MRC2: variants seen among roughly 807,000 people sequenced by gnomAD.
MRC2 encodes mannose receptor C-type 2.
Under a neutral mutation model 206.2 loss-of-function variants are expected in MRC2, and 84 were observed. That is an observed-to-expected ratio of 0.41 (90% CI 0.34 to 0.49). MRC2 has a LOEUF of 0.49. Among genes scored for constraint, MRC2 ranks in the 20% least tolerant of loss-of-function variants. The pLI is 0.31. For synonymous variants in MRC2, 798 were observed against 800.0 expected, an observed-to-expected ratio of 1.00 and a Z score of 0.04; for missense variants, 1,676 against 2,001.5, an observed-to-expected ratio of 0.84 and a Z score of 3.10.
rs1313454033 is a variant in MRC2 at position 62,680,660 on chromosome 17, C to T, written c.2474-140C>T. On this transcript the variant is annotated intron_variant, in intron 16 of 29. Coordinates refer to ENST00000303375, the MANE Select transcript of MRC2 (RefSeq NM_006039.5). This position sits in a 1 kb window ranked among gnomAD's most constrained non-coding sequence, Gnocchi z 4.8. Reference sequence around the variant, plus strand: ...CAAGCCTGGGGCCTGGGGCCTGGCACGGTGCCTGCCTGGGTCCGGTGTGCC... The same window carrying T: ...CAAGCCTGGGGCCTGGGGCCTGGCATGGTGCCTGCCTGGGTCCGGTGTGCC... The T allele has an allele frequency of 8.6e-6, 11 of 1,279,300 alleles. No homozygotes were observed. Among genetic ancestry groups the T allele is most frequent in the African/African-American group, 6.0e-5 (4 of 66,330 alleles). 79.2% of individuals were successfully genotyped at this position (1,279,300 alleles called of 1,614,324 possible). A position where few individuals can be genotyped will look rare whatever the true frequency, so the allele number is the denominator to read the frequency against.
chr17:62,668,343 C>T (rs1249821157), intron 6 of MRC2, among the ~76,000 whole-genome samples: 2 of 146,256 alleles, frequency 1.4e-5, no homozygotes, highest in African/African-American at 2.6e-5. Flanking sequence ...CAGAGCGAGA[C>T]GAGACCCTGC....
Position 62,667,361 on chromosome 17 carries a change from G to T in MRC2, c.974-29G>T, listed in dbSNP as rs1374026880. On this transcript the variant is annotated intron_variant, in intron 5 of 29. Coordinates refer to ENST00000303375, the MANE Select transcript of MRC2 (RefSeq NM_006039.5). The surrounding 1 kb of genome is among the most constrained non-coding windows in gnomAD (Gnocchi z 4.1). The stretch of plus-strand genomic sequence containing the variant: ...GCCACGGTGTGAGCTTCTCTCTCCG[G>T]GGGTGCTGGCGCCCTGCCCTCCCCA... The T allele has an allele frequency of 6.4e-7, 1 of 1,571,596 alleles. No homozygotes were observed. Among genetic ancestry groups the T allele is most frequent in the Non-Finnish European group, 8.6e-7 (1 of 1,160,040 alleles).
chr17:62,671,975 C>G lies in MRC2; in HGVS notation c.1307-23C>G, dbSNP rs377658136. 5 of 1,613,962 alleles carry G rather than the reference C, an allele frequency of 3.1e-6. No individual in the cohort carries two copies. In the Admixed American group the frequency reaches 8.3e-5, roughly 27 times the overall value. ...CTGACCTCTCAATGTTTTCTCTCCC[C>G]TCCTCTCCTGCTGCACCCCCAGAGG... On this transcript the variant is annotated intron_variant, in intron 7 of 29. Coordinates refer to ENST00000303375, the MANE Select transcript of MRC2 (RefSeq NM_006039.5). This position sits in a 1 kb window ranked among gnomAD's most constrained non-coding sequence, Gnocchi z 4.5.
chr17:62,677,329 T>A lies in MRC2; in HGVS notation c.1895T>A (p.Val632Glu). Reference protein sequence around the residue: ...ATGSAMGLWEVKNCTSFRARY... With the variant: ...ATGSAMGLWEEKNCTSFRARY... ...GGCAGCGCCATGGGGCTGTGGGAGG[T>A]GAAGAACTGTACCTCGTTCCGGGCC... The change falls in exon 12 of 30, where the codon GTG becomes GAG. Residue 632 changes from valine (V) to glutamate (E), a missense_variant. Physicochemically the swap from Val to Glu is moderately radical, Grantham distance 121. This residue lies in a region of MRC2 where 1,354 missense variants were observed against 1,636.6 expected (regional missense o/e 0.83). Transcript: ENST00000303375. 6.2e-7 allele frequency: 1 copy of A among 1,605,496 alleles called. No individual in the cohort carries two copies. Among genetic ancestry groups the A allele is most frequent in the Non-Finnish European group, 8.5e-7 (1 of 1,177,180 alleles).
At chr17:62,679,578 A>G in intron 13 of MRC2, 1 of 405,746 alleles carries the variant, frequency 2.5e-6, no homozygotes, top group East Asian at 4.0e-5. Context: ...CTGCCCCTTG[A>G]GTGGATGGCT....
intron 2 of MRC2, 115 bp from the exon 3 acceptor site, chr17:62,665,978 GA>G (rs1365343549): frequency 2.7e-6 from 3 of 1,112,264 alleles, no homozygotes; most frequent in Non-Finnish European, 3.8e-6. Context: ...CCCACCTGCT[GA>G]TCCCTGTGAA....
chr17:62,635,201 T>C (rs1159885391), intron 1 of MRC2, among the ~76,000 whole-genome samples: 1 of 150,262 alleles, frequency 6.7e-6, no homozygotes, highest in Non-Finnish European at 1.5e-5. Context: ...CTTTTTTTTT[T>C]TTTTTTTTTT....
rs190483166 is a variant in MRC2, at chr17:62,638,794, T to C, written c.118+10874T>C. On this transcript the variant is annotated intron_variant, in intron 1 of 29. Coordinates refer to ENST00000303375, the MANE Select transcript of MRC2 (RefSeq NM_006039.5). ...TTAGCCAGGCGTGGTGGTGGGCGCC[T>C]GTAATCCCAGCTACTTGGGAGATTG... 3.6e-3 allele frequency among the ~76,000 whole-genome samples: 534 copies of C among 148,584 alleles called. 2 individuals carry two copies. Among genetic ancestry groups the C allele is most frequent in the African/African-American group, 0.013 (505 of 40,114 alleles).
At chr17:62,628,054 T>C (rs1479363976) in intron 1 of MRC2, 134 bp downstream of exon 1, 2 of 568,358 alleles carry the variant, frequency 3.5e-6, no homozygotes, top group South Asian at 8.7e-5. Context: ...TGTGACTGGG[T>C]TTTTAAAACT....
chr17:62,668,252 C>T (rs1397472669), intron 6 of MRC2, among the ~76,000 whole-genome samples: 3 of 151,372 alleles, frequency 2.0e-5, no homozygotes, highest in Admixed American at 6.6e-5. Context: ...CTAGGGAGGT[C>T]GAGGTGGGAG....
rs2088953662 is a variant in MRC2, at chr17:62,680,724, C to G, written c.2474-76C>G. On this transcript the variant is annotated intron_variant, in intron 16 of 29. Transcript: ENST00000303375. This position sits in a 1 kb window ranked among gnomAD's most constrained non-coding sequence, Gnocchi z 4.8. ...GCTGCCGCCTGGCTCTGCCCCGGCCCTGCCGCGCCCGCCTCCGGGGCCTGG... is the reference window on the plus strand; with the variant it reads ...GCTGCCGCCTGGCTCTGCCCCGGCCGTGCCGCGCCCGCCTCCGGGGCCTGG... 7.1e-7 allele frequency: 1 copy of G among 1,406,600 alleles called. No homozygotes were observed. The allele number at this position is 1,406,600 out of a possible 1,614,324, so 87.1% of individuals were successfully genotyped here.
chr17:62,655,497 G>A (rs141457795), intron 1 of MRC2, among the ~76,000 whole-genome samples: 1,873 of 152,002 alleles, frequency 0.012, 30 homozygotes, highest in African/African-American at 0.042. Context: ...AGCCGAGATC[G>A]CGCCACTGCA....
chr17:62,650,555 TC>T (rs2088544435), intron 1 of MRC2, among the ~76,000 whole-genome samples: 1 of 152,236 alleles, frequency 6.6e-6, no homozygotes, highest in Non-Finnish European at 1.5e-5. Context: ...TGGCCATCCT[TC>T]CCAGCTCTTC....
chr17:62,678,683 C>T (rs748871108), intron 13 of MRC2, 37 bp downstream of exon 13: 78 of 1,594,006 alleles, frequency 4.9e-5, no homozygotes, highest in Non-Finnish European at 5.5e-5. Flanking sequence ...GGAGGGCACC[C>T]GCACACGTGT....
At chr17:62,659,294 C>A (rs896362707) in intron 1 of MRC2, among the ~76,000 whole-genome samples, 2 of 152,154 alleles carry the variant, frequency 1.3e-5, no homozygotes, top group Non-Finnish European at 2.9e-5. Flanking sequence ...AATCCTAGTA[C>A]TCTGGGAGGC....
chr17:62,688,217 G>A (rs569849519), intron 20 of MRC2, 72 bp from the exon 21 acceptor site: 24 of 1,333,848 alleles, frequency 1.8e-5, no homozygotes, highest in African/African-American at 1.4e-4. Context: ...GCTGAGGGGC[G>A]CACAGTGGCC....
chr17:62,688,588 A>C lies in MRC2; in HGVS notation c.3149A>C (p.Gln1050Pro). 6.2e-7 allele frequency: 1 copy of C among 1,614,232 alleles called. No individual in the cohort carries two copies. Among genetic ancestry groups the C allele is most frequent in the Non-Finnish European group, 8.5e-7 (1 of 1,180,042 alleles). Residue 1050 changes from glutamine to proline, a missense_variant, in exon 22 of 30, where the codon CAG becomes CCG. This residue lies in a region of MRC2 where 1,354 missense variants were observed against 1,636.6 expected (regional missense o/e 0.83). Coordinates refer to ENST00000303375, the MANE Select transcript of MRC2 (RefSeq NM_006039.5). ...CAGAGGGACTTCCAGTGGGTGGAGC[A>C]GGAGCCTTTGATGTATGCCAACTGG... ...ASQRDFQWVE[Q>P]EPLMYANWAP...
rs149617729 is a variant in MRC2, at chr17:62,666,764, C to T, written c.867C>T (p.Leu289=). The part of the protein sequence containing the change: ...IHEQTYINGL[L]TGYSSTLWIG... ...GTCCCTCCTTGCTGTCAGGCCTCCT[C>T]ACTGGGTACAGCTCCACCCTGTGGA... Residue 289 remains leucine (L), a synonymous_variant, in exon 5 of 30, where the codon CTC becomes CTT. Transcript: ENST00000303375. The surrounding 1 kb of genome is among the most constrained non-coding windows in gnomAD (Gnocchi z 5.0). 4.8e-5 allele frequency: 78 copies of T among 1,613,534 alleles called. 1 individual carries two copies. Among genetic ancestry groups the T allele is most frequent in the Non-Finnish European group, 5.0e-5 (59 of 1,179,840 alleles).
rs140481613 is a variant in MRC2, at chr17:62,664,948, C to T, written c.519C>T (p.His173=). 49 of 1,597,950 alleles carry T rather than the reference C, an allele frequency of 3.1e-5. No homozygotes were observed. The highest frequency in any genetic ancestry group is 2.1e-4 in the African/African-American group (16 of 74,902). Residue 173 remains histidine, a splice_region_variant and synonymous_variant, in exon 2 of 30, where the codon CAC becomes CAT. Transcript: ENST00000303375. This position sits in a 1 kb window ranked among gnomAD's most constrained non-coding sequence, Gnocchi z 4.7. ...SEEDLCALPY[H]EVYTIQGNSH... Reference sequence around the variant, plus strand: ...AGGACCTATGTGCTCTGCCCTACCACGGTGAGGGGCCGCTTGCAGGCGGGA... The same window carrying T: ...AGGACCTATGTGCTCTGCCCTACCATGGTGAGGGGCCGCTTGCAGGCGGGA...
Sources: gnomAD v4.1 joint callset for allele counts (sites outside exome capture counted in the v4.1 genomes callset) on GRCh38, gnomAD v4.1.1 for gene constraint, gnomAD v4.1.1 regional missense constraint, Gnocchi (gnomAD v3.1) non-coding constraint, MANE v1.5 for transcripts, NCBI Gene and HGNC (gene_info 2026-07-23, HGNC 2026-07-21) for gene names.